The following LRP1B variants were observed in gnomAD, a reference collection of about 807,000 sequenced individuals.
LRP1B encodes low-density lipoprotein receptor-related protein 1B.
LRP1B carries 217 observed loss-of-function variants against 556.6 expected under a neutral mutation model. The observed-to-expected ratio is 0.39, with a 90% confidence interval of 0.35 to 0.44. The LOEUF (loss-of-function observed/expected upper bound fraction) is 0.44, where lower values mean the gene tolerates loss of function less well. Among genes scored for constraint, LRP1B ranks in the 20% least tolerant of loss-of-function variants. LRP1B has a pLI of 1.00. For missense variants in LRP1B, 5,053 were observed against 5,620.8 expected, an observed-to-expected ratio of 0.90 and a Z score of 3.23; for synonymous variants, 2,047 against 1,865.8, an observed-to-expected ratio of 1.10 and a Z score of -2.50.
intron 3 of LRP1B, among the ~76,000 whole-genome samples, chr2:141,386,732 A>T (rs921654788): frequency 4.6e-5 from 7 of 152,048 alleles, no homozygotes; most frequent in Non-Finnish European, 5.9e-5. Flanking sequence ...TGAAGCAAAC[A>T]TGCACAGATT....
chr2:141,180,347 T>TTAA (rs5834815), intron 7 of LRP1B, among the ~76,000 whole-genome samples: 1 of 147,096 alleles, frequency 6.8e-6, no homozygotes, highest in Non-Finnish European at 1.5e-5. Flanking sequence ...TAGAACTCCA[T>TTAA]AAAAAAAAAA....
At chr2:141,606,863 C>A (rs569739702) in intron 2 of LRP1B, among the ~76,000 whole-genome samples, 1 of 152,042 alleles carries the variant, frequency 6.6e-6, no homozygotes, top group East Asian at 1.9e-4. Flanking sequence ...GCAAACTATA[C>A]GAGGAATATA....
In LRP1B at chr2:140,510,142, G is replaced by A. The variant is rs1022868161; in HGVS notation, c.8270-86C>T. 39 of 1,426,064 alleles carry A rather than the reference G, an allele frequency of 2.7e-5. No homozygotes were observed. The African/African-American group carries it at 4.0e-4, about 15-fold the overall frequency. 88.3% of individuals were successfully genotyped at this position (1,426,064 alleles called of 1,614,324 possible). On this transcript the variant is annotated intron_variant, in intron 51 of 90. Transcript: ENST00000389484. ...ATTTACATTTTCTACAGTAAGGGGGGAAGCAGAAGAATGTTGCTTATAAGG... is the reference window on the plus strand; with the variant it reads ...ATTTACATTTTCTACAGTAAGGGGGAAAGCAGAAGAATGTTGCTTATAAGG...
At position 140,960,961 on chromosome 2, in the gene LRP1B, A is replaced by C. The variant is rs569916584; in HGVS notation, c.2888-9021T>G. ...CAGCCTGACATTAACCTATTAATGG[A>C]ATTAAAGAACAAAGGAGAGGGTAGT... On this transcript the variant is annotated intron_variant, in intron 18 of 90. Transcript: ENST00000389484. 1.3e-4 allele frequency among the ~76,000 whole-genome samples: 20 copies of C among 152,034 alleles called. No homozygotes were observed. In the South Asian group the frequency reaches 3.9e-3, roughly 30 times the overall value.
At chr2:141,116,876 T>C (rs1700917993) in intron 7 of LRP1B, among the ~76,000 whole-genome samples, 1 of 152,142 alleles carries the variant, frequency 6.6e-6, no homozygotes, top group African/African-American at 2.4e-5. Context: ...TATTGGATTT[T>C]CCTTGGATTG....
intron 31 of LRP1B, among the ~76,000 whole-genome samples, chr2:140,837,191 C>T (rs545239796): frequency 1.8e-4 from 27 of 152,232 alleles, no homozygotes; most frequent in African/African-American, 6.3e-4. Flanking sequence ...CTCATGAGAT[C>T]TTTATAAAAG....
intron 83 of LRP1B, among the ~76,000 whole-genome samples, chr2:140,312,119 C>T (rs183259675): frequency 2.0e-5 from 3 of 151,994 alleles, no homozygotes; most frequent in Admixed American, 2.0e-4. Context: ...GCAGAGAGAG[C>T]TACAATGACA....
intron 3 of LRP1B, among the ~76,000 whole-genome samples, chr2:141,337,210 C>T (rs1402406597): frequency 6.6e-6 from 1 of 152,136 alleles, no homozygotes; most frequent in African/African-American, 2.4e-5. Flanking sequence ...TTGATGTTAT[C>T]AGATATTTTT....
chr2:141,251,684 GTTC>G (rs1359684069), intron 4 of LRP1B, among the ~76,000 whole-genome samples: 1 of 152,022 alleles, frequency 6.6e-6, no homozygotes, highest in Non-Finnish European at 1.5e-5. Context: ...AAGAAGTAAA[GTTC>G]TTCTGAAATG....
At chr2:141,035,813 A>G (rs1224844720) in intron 11 of LRP1B, among the ~76,000 whole-genome samples, 2 of 152,148 alleles carry the variant, frequency 1.3e-5, no homozygotes, top group Non-Finnish European at 2.9e-5. Context: ...CATCAAGTAA[A>G]ATGCCTTTAT....
intron 11 of LRP1B, among the ~76,000 whole-genome samples, chr2:141,046,275 T>C (rs1698867993): frequency 6.6e-6 from 1 of 152,146 alleles, no homozygotes; most frequent in Admixed American, 6.6e-5. Context: ...CCAAATCATG[T>C]GTCAAACTAA....
intron 33 of LRP1B, among the ~76,000 whole-genome samples, chr2:140,775,584 A>C (rs1213237555): frequency 6.7e-6 from 1 of 149,406 alleles, no homozygotes; most frequent in African/African-American, 2.5e-5. Context: ...TCTCTAATCC[A>C]TTTGCCATTT....
intron 34 of LRP1B, among the ~76,000 whole-genome samples, 180 bp from the exon 35 acceptor site, chr2:140,769,524 T>C (rs922523923): frequency 3.3e-5 from 5 of 152,000 alleles, no homozygotes; most frequent in Admixed American, 1.3e-4. Flanking sequence ...TAGGTAGATT[T>C]GTAGTTCTCA....
Position 140,413,993 on chromosome 2 carries a change from G to A in LRP1B, c.10415-27984C>T, listed in dbSNP as rs376462127. 7.9e-5 allele frequency among the ~76,000 whole-genome samples: 12 copies of A among 152,176 alleles called. No individual in the cohort carries two copies. In the East Asian group the frequency reaches 2.3e-3, roughly 29 times the overall value. On this transcript the variant is annotated intron_variant, in intron 66 of 90. Coordinates refer to ENST00000389484, the MANE Select transcript of LRP1B (RefSeq NM_018557.3). Reference sequence around the variant, plus strand: ...AATGCATTGATGCAATCAGCTCACTGCAACCTCAAACTCCTGGGCTCAAGC... The same window carrying A: ...AATGCATTGATGCAATCAGCTCACTACAACCTCAAACTCCTGGGCTCAAGC...
intron 1 of LRP1B, among the ~76,000 whole-genome samples, chr2:141,997,585 C>A (rs1702535704): frequency 6.7e-6 from 1 of 150,150 alleles, no homozygotes; most frequent in East Asian, 2.0e-4. Flanking sequence ...TGGGCTCAAG[C>A]AATTCTCCCA....
chr2:140,548,586 T>A (rs1680431544), intron 43 of LRP1B, among the ~76,000 whole-genome samples: 1 of 152,062 alleles, frequency 6.6e-6, no homozygotes, highest in South Asian at 2.1e-4. Context: ...TTAAGGAATA[T>A]GATAATTAAA....
In LRP1B at chr2:141,011,860, T is replaced by C. The variant is rs150551999; in HGVS notation, c.2380+1696A>G. 3.3e-3 allele frequency among the ~76,000 whole-genome samples: 497 copies of C among 152,186 alleles called. 2 individuals carry two copies. Among genetic ancestry groups the C allele is most frequent in the African/African-American group, 0.011 (477 of 41,574 alleles). On this transcript the variant is annotated intron_variant, in intron 14 of 90. Transcript: ENST00000389484. ...TCTATCAGAGTTATGTACTTCATTGTATATTATTATGATACATTATTCCAT... is the reference window on the plus strand; with the variant it reads ...TCTATCAGAGTTATGTACTTCATTGCATATTATTATGATACATTATTCCAT...
At chr2:141,611,810 G>C (rs1484766462) in intron 2 of LRP1B, among the ~76,000 whole-genome samples, 1 of 152,164 alleles carries the variant, frequency 6.6e-6, no homozygotes, top group East Asian at 1.9e-4. Flanking sequence ...CTTAATTAAT[G>C]ACCTCGAAAT....
chr2:141,341,787 C>G (rs189268768), intron 3 of LRP1B, among the ~76,000 whole-genome samples: 10 of 152,256 alleles, frequency 6.6e-5, no homozygotes, highest in African/African-American at 2.2e-4. Flanking sequence ...ATGTCAGCAT[C>G]ATAAGATGGA....
Sources: allele counts gnomAD v4.1 joint callset (sites outside exome capture counted in the v4.1 genomes callset), GRCh38; gene constraint gnomAD v4.1.1; transcripts MANE v1.5; gene names NCBI Gene and HGNC (gene_info 2026-07-23, HGNC 2026-07-21).